The following SETD2 variants were observed in gnomAD, a reference collection of about 807,000 sequenced individuals.
SETD2 encodes histone-lysine N-methyltransferase SETD2.
Under a neutral mutation model 242.1 loss-of-function variants are expected in SETD2, and 31 were observed. That is an observed-to-expected ratio of 0.13 (90% CI 0.10 to 0.17). The LOEUF (loss-of-function observed/expected upper bound fraction) is 0.17, where lower values mean the gene tolerates loss of function less well. Ranked by LOEUF, SETD2 falls within the 10% of genes least tolerant of loss-of-function variation. The pLI is 1.00. For missense variants in SETD2, 2,481 were observed against 3,046.3 expected, an observed-to-expected ratio of 0.81 and a Z score of 4.37; for synonymous variants, 1,006 against 1,066.5, an observed-to-expected ratio of 0.94 and a Z score of 1.11.
intron 10 of SETD2, among the ~76,000 whole-genome samples, chr3:47,087,545 C>T (rs1357679786): frequency 6.6e-6 from 1 of 152,208 alleles, no homozygotes; most frequent in East Asian, 1.9e-4. Flanking sequence ...GGCCCCGTTC[C>T]TAATCAGCCC....
intron 9 of SETD2, 103 bp from the exon 10 acceptor site, chr3:47,088,350 CA>C: frequency 8.9e-7 from 1 of 1,117,836 alleles, no homozygotes; most frequent in African/African-American, 1.6e-5. Context: ...CAGGAAAACA[CA>C]AATGAAGACC....
At position 47,100,920 on chromosome 3, in the gene SETD2, G is replaced by A. The variant is rs201199421; in HGVS notation, c.5015+538C>T. Among the ~76,000 whole-genome samples the A allele has an allele frequency of 4.2e-5, 6 of 141,390 alleles. No individual in the cohort carries two copies. In the East Asian group the frequency reaches 1.3e-3, roughly 30 times the overall value. 92.8% of individuals were successfully genotyped at this position (141,390 alleles called of 152,430 possible). Reference sequence around the variant, plus strand: ...AGCTGCTCAGGAGGCTGAGGCAGGAGAACGGCATGAACCTGGGAGGCGGAG... The same window carrying A: ...AGCTGCTCAGGAGGCTGAGGCAGGAAAACGGCATGAACCTGGGAGGCGGAG... On this transcript the variant is annotated intron_variant, in intron 8 of 20. Coordinates refer to ENST00000409792, the MANE Select transcript of SETD2 (RefSeq NM_014159.7).
chr3:47,036,629 G>A (rs570947618), intron 18 of SETD2, among the ~76,000 whole-genome samples: 4 of 152,134 alleles, frequency 2.6e-5, no homozygotes, highest in African/African-American at 7.2e-5. Context: ...GAGGCCGGGC[G>A]TGGTGGCTCA....
chr3:47,087,866 C>T (rs565809828), intron 10 of SETD2, among the ~76,000 whole-genome samples: 8 of 84,414 alleles, frequency 9.5e-5, no homozygotes, highest in African/African-American at 3.5e-4. Context: ...CTACTCAGGA[C>T]GCTGAGGCAG....
chr3:47,022,959 CTTTATTA>C (rs2038298807), intron 18 of SETD2, among the ~76,000 whole-genome samples: 1 of 152,184 alleles, frequency 6.6e-6, no homozygotes, highest in Non-Finnish European at 1.5e-5. Context: ...CAGAATCACC[CTTTATTA>C]TAAATATTGA....
intron 18 of SETD2, 112 bp from the exon 19 acceptor site, chr3:47,019,952 G>A (rs887243651): frequency 5.6e-6 from 5 of 894,588 alleles, no homozygotes; most frequent in Non-Finnish European, 1.8e-6. Context: ...CTGATTCTTG[G>A]TATTAGAATC....
chr3:47,050,723 C>CTCTTTTTTTTTTT (rs1553682525), intron 15 of SETD2, among the ~76,000 whole-genome samples: 4 of 66,886 alleles, frequency 6.0e-5, no homozygotes, highest in Non-Finnish European at 1.0e-4. Context: ...TTTCCTCTCT[C>CTCTTTTTTTTTTT]TTTTTTTTTT....
chr3:47,130,826 T>C (rs1490287101), intron 1 of SETD2, among the ~76,000 whole-genome samples: 1 of 151,732 alleles, frequency 6.6e-6, no homozygotes, highest in Non-Finnish European at 1.5e-5. Flanking sequence ...AATAGTGAAG[T>C]GGGCAAATCT....
chr3:47,067,201 A>G (rs756825319), intron 12 of SETD2, 83 bp from the exon 13 acceptor site: 4 of 1,034,542 alleles, frequency 3.9e-6, no homozygotes, highest in Non-Finnish European at 6.1e-6. Flanking sequence ...TCACATGACA[A>G]TAAAGAAATG....
At chr3:47,091,905 A>C (rs922324451) in intron 9 of SETD2, among the ~76,000 whole-genome samples, 2 of 152,186 alleles carry the variant, frequency 1.3e-5, no homozygotes, top group African/African-American at 4.8e-5. Context: ...AGATCATGCC[A>C]CAGCACTCCA....
intron 12 of SETD2, among the ~76,000 whole-genome samples, chr3:47,068,272 C>G (rs998036581): frequency 6.6e-6 from 1 of 152,248 alleles, no homozygotes; most frequent in Middle Eastern, 3.4e-3. Context: ...AAATAATAAG[C>G]CACATGTCAC....
At chr3:47,045,747 G>A (rs1419376770) in intron 16 of SETD2, among the ~76,000 whole-genome samples, 1 of 149,098 alleles carries the variant, frequency 6.7e-6, no homozygotes, top group Non-Finnish European at 1.5e-5. Flanking sequence ...ACAAGGTCAG[G>A]GTAAACAACA....
intron 5 of SETD2, among the ~76,000 whole-genome samples, chr3:47,106,811 CAAAA>C (rs397989450): frequency 8.8e-6 from 1 of 113,648 alleles, no homozygotes; most frequent in Non-Finnish European, 1.7e-5. Flanking sequence ...GACTCCGTCT[CAAAA>C]AAAAAAAAAA....
At chr3:47,154,262 A>C (rs898330471) in intron 1 of SETD2, among the ~76,000 whole-genome samples, 1 of 152,038 alleles carries the variant, frequency 6.6e-6, no homozygotes, top group African/African-American at 2.4e-5. Context: ...TATAAAAATT[A>C]GCTGGGCGTG....
chr3:47,034,971 T>C (rs2038935857), intron 18 of SETD2, among the ~76,000 whole-genome samples: 1 of 152,184 alleles, frequency 6.6e-6, no homozygotes, highest in Non-Finnish European at 1.5e-5. Flanking sequence ...GCATTGCCTT[T>C]TGGATATAAT....
intron 5 of SETD2, among the ~76,000 whole-genome samples, chr3:47,112,878 C>T (rs1027456937): frequency 6.6e-6 from 1 of 152,150 alleles, no homozygotes; most frequent in African/African-American, 2.4e-5. Context: ...GCATGAGTCA[C>T]CATGCCCGGC....
At chr3:47,025,634 TA>T (rs2038439723) in intron 18 of SETD2, among the ~76,000 whole-genome samples, 1 of 152,212 alleles carries the variant, frequency 6.6e-6, no homozygotes, top group South Asian at 2.1e-4. Context: ...GTCTCCTATA[TA>T]TACTGGCTTG....
chr3:47,068,417 T>C (rs2040658429), intron 12 of SETD2, among the ~76,000 whole-genome samples: 1 of 151,986 alleles, frequency 6.6e-6, no homozygotes, highest in Non-Finnish European at 1.5e-5. Context: ...GCTGACAAAT[T>C]AATAAAGATG....
At chr3:47,152,577 A>G (rs1418621544) in intron 1 of SETD2, among the ~76,000 whole-genome samples, 1 of 152,232 alleles carries the variant, frequency 6.6e-6, no homozygotes, top group African/African-American at 2.4e-5. Flanking sequence ...TAGAGTATGT[A>G]ATTAATAACT....
Sources: allele counts gnomAD v4.1 joint callset (sites outside exome capture counted in the v4.1 genomes callset), GRCh38; gene constraint gnomAD v4.1.1; transcripts MANE v1.5; gene names NCBI Gene and HGNC (gene_info 2026-07-23, HGNC 2026-07-21).